The following TAFA4 variants were observed in gnomAD, a reference collection of about 807,000 sequenced individuals.
TAFA4 encodes the protein TAFA chemokine like family member 4.
In TAFA4, 20 loss-of-function variants were observed where a neutral mutation model predicts 21.1. That is an observed-to-expected ratio of 0.95 (90% CI 0.67 to 1.38). The LOEUF is 1.38. TAFA4 is among the 40% of genes most tolerant of loss of function. The pLI is 0.00. For missense variants in TAFA4, 211 were observed against 180.9 expected (o/e 1.17, Z -0.95); for synonymous variants, 71 against 67.4 (o/e 1.05, Z -0.26).
chr3:68,818,754 T>C lies in TAFA4; in HGVS notation c.130+61976A>G, dbSNP rs564274743. Among the ~76,000 whole-genome samples, 7 of 152,308 alleles carry C rather than the reference T, an allele frequency of 4.6e-5. No homozygotes were observed. In the South Asian group the frequency reaches 1.2e-3, roughly 27 times the overall value. ...CATCAAATAAGTTCACCATCTTACC[T>C]GGGCACAGTGCATGGTGTACCCCAA... On this transcript the variant is annotated intron_variant, in intron 3 of 5. Transcript: ENST00000295569.
At chr3:68,786,175 T>C (rs1362281553) in intron 3 of TAFA4, among the ~76,000 whole-genome samples, 1 of 152,076 alleles carries the variant, frequency 6.6e-6, no homozygotes, top group Non-Finnish European at 1.5e-5. Flanking sequence ...TAGATATAAG[T>C]TTAGAAAAGT....
At chr3:68,910,497 G>T (rs1329745458) in intron 1 of TAFA4, among the ~76,000 whole-genome samples, 1 of 152,202 alleles carries the variant, frequency 6.6e-6, no homozygotes, top group African/African-American at 2.4e-5. Flanking sequence ...GATAGATTTA[G>T]GTTAAAGAGG....
At chr3:68,789,060 C>T (rs1199176032) in intron 3 of TAFA4, among the ~76,000 whole-genome samples, 4 of 151,920 alleles carry the variant, frequency 2.6e-5, no homozygotes, top group Admixed American at 6.6e-5. Context: ...GGTGAGACCC[C>T]GTCTCTACTA....
At position 68,880,393 on chromosome 3, in the gene TAFA4, T is replaced by C. The variant is rs145325172; in HGVS notation, c.130+337A>G. ...CTTCTAAGGAAGCTGCAGGAGTGGA[T>C]GGATGGATGGGCAGATGGACTGACA... On this transcript the variant is annotated intron_variant, in intron 3 of 5. Coordinates refer to ENST00000295569, the MANE Select transcript of TAFA4 (RefSeq NM_182522.5). Among the ~76,000 whole-genome samples, 21 of 151,884 alleles carry C rather than the reference T, an allele frequency of 1.4e-4. No homozygotes were observed. In the East Asian group the frequency reaches 4.1e-3, roughly 29 times the overall value.
chr3:68,768,370 A>G (rs1473443504), intron 3 of TAFA4, among the ~76,000 whole-genome samples: 8 of 152,186 alleles, frequency 5.3e-5, no homozygotes, highest in African/African-American at 1.9e-4. Flanking sequence ...AACATCACTG[A>G]TCATCAGGGA....
chr3:68,900,866 A>T (rs2089838124), intron 1 of TAFA4, among the ~76,000 whole-genome samples: 1 of 152,168 alleles, frequency 6.6e-6, no homozygotes, highest in Non-Finnish European at 1.5e-5. Flanking sequence ...ATACTTTCCT[A>T]GACATTGACC....
At chr3:68,734,278 A>T (rs1366482521) in intron 5 of TAFA4, among the ~76,000 whole-genome samples, 2 of 152,196 alleles carry the variant, frequency 1.3e-5, no homozygotes, top group African/African-American at 4.8e-5. Flanking sequence ...ATACAAAAGC[A>T]GGCCAAGGGC....
intron 3 of TAFA4, among the ~76,000 whole-genome samples, chr3:68,825,074 C>A (rs745378551): frequency 2.6e-5 from 4 of 152,146 alleles, no homozygotes; most frequent in African/African-American, 7.2e-5. Flanking sequence ...ACCATCCCAT[C>A]ACCTAAGTAT....
intron 1 of TAFA4, among the ~76,000 whole-genome samples, chr3:68,931,274 G>T (rs566169639): frequency 1.3e-5 from 2 of 152,198 alleles, no homozygotes; most frequent in East Asian, 3.9e-4. Context: ...AAACCAAAGG[G>T]GGGTCCCTGA....
intron 3 of TAFA4, among the ~76,000 whole-genome samples, chr3:68,804,534 G>A (rs80298433): frequency 0.036 from 5,510 of 152,156 alleles, 270 homozygotes; most frequent in East Asian, 0.23. Context: ...GCAGCATCAC[G>A]CTACCTGACT....
chr3:68,864,987 G>A (rs566551331), intron 3 of TAFA4, among the ~76,000 whole-genome samples: 8 of 152,202 alleles, frequency 5.3e-5, no homozygotes, highest in East Asian at 1.9e-4. Flanking sequence ...TTACAAAAGA[G>A]TATAAGGAAA....
intron 1 of TAFA4, among the ~76,000 whole-genome samples, chr3:68,922,464 G>C (rs953978841): frequency 1.3e-5 from 2 of 151,840 alleles, no homozygotes; most frequent in Admixed American, 6.6e-5. Flanking sequence ...ATTTGCAGAG[G>C]ATCAAAAAAA....
intron 3 of TAFA4, among the ~76,000 whole-genome samples, chr3:68,869,760 TG>T (rs1229813512): frequency 5.9e-5 from 9 of 151,854 alleles, no homozygotes; most frequent in Non-Finnish European, 1.3e-4. Flanking sequence ...ACATACTGCT[TG>T]GGGGGAAATT....
intron 3 of TAFA4, among the ~76,000 whole-genome samples, chr3:68,784,783 T>G (rs1703218793): frequency 6.6e-6 from 1 of 152,170 alleles, no homozygotes; most frequent in Non-Finnish European, 1.5e-5. Flanking sequence ...TAGAGCCCAG[T>G]GGTTCTGTTT....
chr3:68,898,311 T>A (rs1175030307), intron 1 of TAFA4, among the ~76,000 whole-genome samples: 1 of 152,314 alleles, frequency 6.6e-6, no homozygotes, highest in South Asian at 2.1e-4. Flanking sequence ...TGCCCTCGTG[T>A]TTAAGTCAAG....
intron 3 of TAFA4, among the ~76,000 whole-genome samples, chr3:68,759,129 C>T (rs1702714133): frequency 6.6e-6 from 1 of 152,178 alleles, no homozygotes; most frequent in African/African-American, 2.4e-5. Context: ...AGACTTATAT[C>T]CCAGCTCAAA....
At chr3:68,813,465 T>C (rs1183960703) in intron 3 of TAFA4, among the ~76,000 whole-genome samples, 1 of 151,776 alleles carries the variant, frequency 6.6e-6, no homozygotes, top group Non-Finnish European at 1.5e-5. Flanking sequence ...ATAGACACAA[T>C]AAAAAATGAT....
chr3:68,821,799 T>C (rs901891349), intron 3 of TAFA4, among the ~76,000 whole-genome samples: 16 of 152,206 alleles, frequency 1.1e-4, no homozygotes, highest in Admixed American at 3.3e-4. Context: ...TTTACCCTTA[T>C]GTTACTTTTT....
intron 1 of TAFA4, among the ~76,000 whole-genome samples, chr3:68,903,421 T>A (rs1471129040): frequency 1.3e-5 from 2 of 152,214 alleles, no homozygotes; most frequent in Non-Finnish European, 2.9e-5. Flanking sequence ...CAAATAGAAA[T>A]CATAGGTACT....
Sources: allele counts gnomAD v4.1 joint callset (sites outside exome capture counted in the v4.1 genomes callset), GRCh38; gene constraint gnomAD v4.1.1; transcripts MANE v1.5; gene names NCBI Gene and HGNC (gene_info 2026-07-23, HGNC 2026-07-21).